Variants in CSNK1G2 observed in about 807,000 individuals in gnomAD.
CSNK1G2 encodes casein kinase 1 gamma 2, also known as casein kinase I isoform gamma-2.
Under a neutral mutation model 48.0 loss-of-function variants are expected in CSNK1G2, and 11 were observed. That is an observed-to-expected ratio of 0.23 (90% confidence interval 0.14 to 0.38). The LOEUF (loss-of-function observed/expected upper bound fraction) is 0.38. Ranked by LOEUF, CSNK1G2 falls within the 10% of genes least tolerant of loss-of-function variation. The pLI is 1.00. For synonymous variants in CSNK1G2, 337 were observed against 254.1 expected, an observed-to-expected ratio of 1.33 and a Z score of -3.10; for missense variants, 446 against 595.5, an observed-to-expected ratio of 0.75 and a Z score of 2.61.
chr19:1,957,752 C>T lies in CSNK1G2; in HGVS notation c.-265-11756C>T, dbSNP rs141244858. ...GCATTTGAGCAGCTGCCAGATCTCC[C>T]CTGGAAACACTGGGGTGTGTGCTCG... On this transcript the variant is annotated intron_variant, in intron 1 of 11. Coordinates refer to ENST00000255641, the MANE Select transcript of CSNK1G2 (RefSeq NM_001319.7). The surrounding 1 kb of genome is among the most constrained non-coding windows in gnomAD (Gnocchi z 5.4). Among the ~76,000 whole-genome samples the T allele has an allele frequency of 0.026, 3,937 of 151,874 alleles. 93 individuals are homozygous for T. Among genetic ancestry groups the T allele is most frequent in the African/African-American group, 0.063 (2,595 of 41,378 alleles).
At chr19:1,955,611 G>A in intron 1 of CSNK1G2, among the ~76,000 whole-genome samples, 1 of 152,178 alleles carries the variant, frequency 6.6e-6, no homozygotes, top group Non-Finnish European at 1.5e-5. Flanking sequence ...TCAGGCTTAG[G>A]GTGGGTGTGG....
At chr19:1,956,706 G>C (rs561862897) in intron 1 of CSNK1G2, among the ~76,000 whole-genome samples, 1 of 152,176 alleles carries the variant, frequency 6.6e-6, no homozygotes, top group Non-Finnish European at 1.5e-5. Context: ...GGATGGGAGA[G>C]TGTTTAAGGA....
intron 1 of CSNK1G2, among the ~76,000 whole-genome samples, chr19:1,962,786 A>G (rs573465323): frequency 3.7e-5 from 5 of 135,336 alleles, no homozygotes; most frequent in Admixed American, 1.4e-4. Context: ...TGGCTCCTCA[A>G]AGATGCACAG....
chr19:1,944,068 AG>A (rs2145490360), intron 1 of CSNK1G2, among the ~76,000 whole-genome samples: 1 of 151,854 alleles, frequency 6.6e-6, no homozygotes, highest in East Asian at 1.9e-4. Context: ...AGTCCTGGTT[AG>A]GGTTGCGGTG....
chr19:1,948,807 G>C (rs985847128), intron 1 of CSNK1G2, among the ~76,000 whole-genome samples: 3 of 152,196 alleles, frequency 2.0e-5, no homozygotes, highest in Admixed American at 1.3e-4. Flanking sequence ...CAGCCTGCTG[G>C]TGACCAGAGG....
chr19:1,975,443 G>A (rs2015720227), intron 2 of CSNK1G2: 2 of 985,368 alleles, frequency 2.0e-6, no homozygotes, highest in South Asian at 4.7e-5. Flanking sequence ...CTCCGCTCTG[G>A]AGAGTCAGAA....
intron 1 of CSNK1G2, among the ~76,000 whole-genome samples, chr19:1,962,746 G>A (rs1160533612): frequency 2.6e-5 from 4 of 151,770 alleles, no homozygotes; most frequent in Non-Finnish European, 5.9e-5. Flanking sequence ...AGGACGACTC[G>A]GTGCAGCAGC....
chr19:1,954,219 C>T (rs367871744), intron 1 of CSNK1G2: 3 of 349,940 alleles, frequency 8.6e-6, no homozygotes, highest in African/African-American at 2.1e-5. Context: ...GGCGCCCTTC[C>T]GTCTGCCCTG....
rs576069176 is a variant in CSNK1G2, at chr19:1,946,045, A to G, written c.-266+4627A>G. Among the ~76,000 whole-genome samples the G allele has an allele frequency of 5.9e-5, 9 of 152,168 alleles. No individual in the cohort carries two copies. The East Asian group carries it at 1.7e-3, about 30-fold the overall frequency. On this transcript the variant is annotated intron_variant, in intron 1 of 11. Coordinates refer to ENST00000255641, the MANE Select transcript of CSNK1G2 (RefSeq NM_001319.7). ...ACTCTTGTTACGGCAGATTCCATCT[A>G]GGAGCGGAGGCCACGCGTATGTTCC...
chr19:1,950,766 T>G (rs1568182651), intron 1 of CSNK1G2, among the ~76,000 whole-genome samples: 1 of 145,876 alleles, frequency 6.9e-6, no homozygotes, highest in Non-Finnish European at 1.5e-5. Context: ...CCAGCCAGTG[T>G]CAGGTGGGGA....
intron 10 of CSNK1G2, 32 bp from the exon 11 acceptor site, chr19:1,979,879 C>T (rs370147543): frequency 2.5e-6 from 4 of 1,603,720 alleles, no homozygotes; most frequent in Non-Finnish European, 2.6e-6. Context: ...GGGGCATGGG[C>T]GGCCAGCGTG....
chr19:1,971,604 T>A (rs190737647), intron 2 of CSNK1G2, among the ~76,000 whole-genome samples: 9 of 152,272 alleles, frequency 5.9e-5, no homozygotes, highest in African/African-American at 2.2e-4. Flanking sequence ...CACAGGCTCA[T>A]CTGCACACAC....
At chr19:1,953,538 C>A (rs1299070760) in intron 1 of CSNK1G2, 2 of 524,188 alleles carry the variant, frequency 3.8e-6, no homozygotes. Flanking sequence ...CCTATGTGGA[C>A]TAGTTGCAGG....
At position 1,957,048 on chromosome 19, in the gene CSNK1G2, C is replaced by T. The variant is rs926776171; in HGVS notation, c.-265-12460C>T. Among the ~76,000 whole-genome samples, 4 of 152,158 alleles carry T rather than the reference C, an allele frequency of 2.6e-5. No individual in the cohort carries two copies. Among genetic ancestry groups the T allele is most frequent in the African/African-American group, 4.8e-5 (2 of 41,438 alleles). ...GGTGGTGGCGCCCCCCTTCGACGGT[C>T]GTGCCCTGATGCTGCGTGGCTTAAA... On this transcript the variant is annotated intron_variant, in intron 1 of 11. Transcript: ENST00000255641. This position sits in a 1 kb window ranked among gnomAD's most constrained non-coding sequence, Gnocchi z 5.4.
At chr19:1,979,442 C>A in intron 8 of CSNK1G2, 39 bp downstream of exon 8, 2 of 1,413,504 alleles carry the variant, frequency 1.4e-6, no homozygotes, top group Non-Finnish European at 1.9e-6. Context: ...GCCCCCCACC[C>A]CCCACCCCCC....
At chr19:1,950,302 G>GCTGA (rs2014717407) in intron 1 of CSNK1G2, among the ~76,000 whole-genome samples, 1 of 150,026 alleles carries the variant, frequency 6.7e-6, no homozygotes, top group Non-Finnish European at 1.5e-5. Flanking sequence ...ACCACACCCA[G>GCTGA]CTAATTGTTT....
chr19:1,947,920 C>T (rs1053698407), intron 1 of CSNK1G2, among the ~76,000 whole-genome samples: 1 of 151,168 alleles, frequency 6.6e-6, no homozygotes, highest in Non-Finnish European at 1.5e-5. Flanking sequence ...CGGCCCTGGG[C>T]AATGGGTGTG....
intron 1 of CSNK1G2, among the ~76,000 whole-genome samples, chr19:1,946,332 C>T (rs1395485013): frequency 6.8e-6 from 1 of 147,370 alleles, no homozygotes; most frequent in African/African-American, 2.5e-5. Flanking sequence ...TGCACTGTTG[C>T]CCAGGCTGGA....
At chr19:1,979,276 G>A (rs1209928951) in intron 7 of CSNK1G2, 28 bp downstream of exon 7, 8 of 1,560,660 alleles carry the variant, frequency 5.1e-6, no homozygotes, top group Middle Eastern at 1.7e-4. Context: ...GCAGGCGGGC[G>A]GGGACGCAGG....
Sources: allele counts gnomAD v4.1 joint callset (sites outside exome capture counted in the v4.1 genomes callset), GRCh38; gene constraint gnomAD v4.1.1; non-coding constraint Gnocchi (gnomAD v3.1); transcripts MANE v1.5; gene names NCBI Gene and HGNC (gene_info 2026-07-23, HGNC 2026-07-21).